The following STK39 variants were observed in gnomAD, a reference collection of about 807,000 sequenced individuals.
STK39 encodes serine/threonine kinase 39.
STK39 carries 20 observed loss-of-function variants against 77.8 expected under a neutral mutation model. That is an observed-to-expected ratio of 0.26 (90% CI 0.18 to 0.37). The LOEUF (loss-of-function observed/expected upper bound fraction) is 0.37, where lower values mean the gene tolerates loss of function less well. Ranked by LOEUF, STK39 falls within the 10% of genes least tolerant of loss-of-function variation. The pLI, the probability that STK39 is intolerant of heterozygous loss-of-function variation, is 1.00. For missense variants in STK39, 479 were observed against 656.5 expected (o/e 0.73, Z 2.95); for synonymous variants, 246 against 234.1 (o/e 1.05, Z -0.47).
In STK39 at chr2:168,075,128, G is replaced by A. The variant is rs767531913; in HGVS notation, c.1193C>T (p.Ala398Val). 6.2e-7 allele frequency: 1 copy of A among 1,614,112 alleles called. No homozygotes were observed. The highest frequency in any genetic ancestry group is 8.5e-7 in the Non-Finnish European group (1 of 1,180,020). The change falls in exon 11 of 18, where the codon GCA (alanine) becomes GTA (valine). Residue 398 changes from alanine to valine, a missense_variant. This residue lies in a region of STK39 where 244 missense variants were observed against 296.8 expected (regional missense o/e 0.82). Coordinates refer to ENST00000355999, the MANE Select transcript of STK39 (RefSeq NM_013233.3). Reference protein sequence around the residue: ...EMDEKSEEGKAAFSQEKSRRV... With the variant: ...EMDEKSEEGKVAFSQEKSRRV... ...ATTTACCTTTTCCTGAGAAAAAGCT[G>A]CTTTCCCTTCTTCGCTCTTCTCATC...
intron 14 of STK39, among the ~76,000 whole-genome samples, chr2:168,037,764 C>T (rs1209394502): frequency 1.3e-5 from 2 of 152,000 alleles, no homozygotes; most frequent in Non-Finnish European, 2.9e-5. Flanking sequence ...GGAAATATGC[C>T]AAAATGTTAA....
chr2:168,219,375 C>G (rs1409657191), intron 1 of STK39, among the ~76,000 whole-genome samples: 1 of 152,098 alleles, frequency 6.6e-6, no homozygotes, highest in Non-Finnish European at 1.5e-5. Context: ...AAAAGCCTAG[C>G]AGAATACAGA....
At chr2:168,075,727 C>A (rs557530388) in intron 10 of STK39, among the ~76,000 whole-genome samples, 2 of 151,748 alleles carry the variant, frequency 1.3e-5, no homozygotes, top group Non-Finnish European at 2.9e-5. Context: ...CCTTCTATTG[C>A]CACCTCACTC....
chr2:168,239,186 C>A (rs2105276441), intron 1 of STK39, among the ~76,000 whole-genome samples: 1 of 152,260 alleles, frequency 6.6e-6, no homozygotes, highest in South Asian at 2.1e-4. Context: ...AGCCCTGATT[C>A]CTACACAGGA....
At position 168,075,120 on chromosome 2, in the gene STK39, A is replaced by G. The variant is rs751387128; in HGVS notation, c.1201T>C (p.Ser401Pro). ...ACGATGTCATTTACCTTTTCCTGAG[A>G]AAAAGCTGCTTTCCCTTCTTCGCTC... Reference protein sequence around the residue: ...EKSEEGKAAFSQEKSRRVKEE... With the variant: ...EKSEEGKAAFPQEKSRRVKEE... Residue 401 changes from serine to proline, a missense_variant, in exon 11 of 18, where the codon TCT becomes CCT. Coordinates refer to ENST00000355999, the MANE Select transcript of STK39 (RefSeq NM_013233.3). 22 of 1,614,082 alleles carry G rather than the reference A, an allele frequency of 1.4e-5. No homozygotes were observed. The highest frequency in any genetic ancestry group is 1.6e-5 in the Non-Finnish European group (19 of 1,180,042).
At chr2:168,236,686 T>G (rs1034275445) in intron 1 of STK39, among the ~76,000 whole-genome samples, 2 of 152,216 alleles carry the variant, frequency 1.3e-5, no homozygotes, top group African/African-American at 4.8e-5. Context: ...GTTTTCCCAG[T>G]ACCATTTATT....
intron 1 of STK39, among the ~76,000 whole-genome samples, chr2:168,219,097 G>A (rs1690098254): frequency 6.6e-6 from 1 of 152,038 alleles, no homozygotes; most frequent in Non-Finnish European, 1.5e-5. Context: ...GTATATTAAG[G>A]AAGAAAAAGT....
At chr2:168,132,742 C>A (rs894657733) in intron 8 of STK39, among the ~76,000 whole-genome samples, 1 of 152,186 alleles carries the variant, frequency 6.6e-6, no homozygotes, top group Non-Finnish European at 1.5e-5. Flanking sequence ...ACATTCCCAT[C>A]ATGTATTTTT....
chr2:168,133,318 C>G (rs1424493791), intron 8 of STK39, among the ~76,000 whole-genome samples: 1 of 152,200 alleles, frequency 6.6e-6, no homozygotes, highest in Non-Finnish European at 1.5e-5. Flanking sequence ...CACTCTCAGC[C>G]TTCATCAGTA....
At chr2:168,160,194 A>G (rs1688533742) in intron 5 of STK39, among the ~76,000 whole-genome samples, 1 of 152,238 alleles carries the variant, frequency 6.6e-6, no homozygotes, top group South Asian at 2.1e-4. Context: ...TTTCAAAGGC[A>G]GTTCACTGCT....
intron 14 of STK39, among the ~76,000 whole-genome samples, chr2:168,029,472 G>C (rs575808331): frequency 5.9e-5 from 9 of 152,276 alleles, no homozygotes; most frequent in African/African-American, 2.2e-4. Context: ...TGGTGCAAAC[G>C]ATGAAAGTTT....
chr2:168,247,165 G>T (rs1690941292), intron 1 of STK39, 63 bp downstream of exon 1: 1 of 1,044,824 alleles, frequency 9.6e-7, no homozygotes, highest in Non-Finnish European at 1.1e-6. Context: ...AGCATCCCGC[G>T]CCCCCTCCCG....
At chr2:168,032,023 C>T (rs1188501105) in intron 14 of STK39, among the ~76,000 whole-genome samples, 1 of 152,156 alleles carries the variant, frequency 6.6e-6, no homozygotes, top group Non-Finnish European at 1.5e-5. Context: ...TGAAATCAAT[C>T]ACTTGGCATA....
At chr2:168,081,134 G>A (rs1460101770) in intron 10 of STK39, among the ~76,000 whole-genome samples, 2 of 152,130 alleles carry the variant, frequency 1.3e-5, no homozygotes, top group Non-Finnish European at 2.9e-5. Context: ...TATGATAAGA[G>A]GGCTGATGTC....
intron 16 of STK39, among the ~76,000 whole-genome samples, chr2:167,988,837 A>T (rs1393163639): frequency 6.6e-6 from 1 of 152,202 alleles, no homozygotes; most frequent in Non-Finnish European, 1.5e-5. Context: ...TATGGAACAA[A>T]GAGGACTGAG....
chr2:167,980,059 A>G (rs774190886), intron 16 of STK39, among the ~76,000 whole-genome samples: 1 of 152,250 alleles, frequency 6.6e-6, no homozygotes, highest in South Asian at 2.1e-4. Context: ...TCTAATGACA[A>G]TCTCACAACC....
chr2:168,109,390 T>TA (rs1687063324), intron 10 of STK39, among the ~76,000 whole-genome samples: 1 of 152,214 alleles, frequency 6.6e-6, no homozygotes, highest in Non-Finnish European at 1.5e-5. Flanking sequence ...CACTCAGTAT[T>TA]ACATTTCTGA....
intron 14 of STK39, among the ~76,000 whole-genome samples, chr2:168,054,327 A>G (rs556739745): frequency 3.9e-5 from 6 of 152,238 alleles, no homozygotes; most frequent in Non-Finnish European, 8.8e-5. Flanking sequence ...GTGTTAAACA[A>G]ATTATTTCAT....
rs779070330 is a variant in STK39 at position 168,045,991 on chromosome 2, C to T, written c.1376+17509G>A. 3.9e-5 allele frequency among the ~76,000 whole-genome samples: 6 copies of T among 152,132 alleles called. 1 individual carries two copies. Among genetic ancestry groups the T allele is most frequent in the Non-Finnish European group, 8.8e-5 (6 of 68,018 alleles). The stretch of plus-strand genomic sequence containing the variant: ...GGAGTGGGCAAGGAGGCAAGGCTGG[C>T]ATCTCATTCCCCAGATCAATACCTG... On this transcript the variant is annotated intron_variant, in intron 14 of 17. Coordinates refer to ENST00000355999, the MANE Select transcript of STK39 (RefSeq NM_013233.3).
Sources: allele counts gnomAD v4.1 joint callset (sites outside exome capture counted in the v4.1 genomes callset), GRCh38; gene constraint gnomAD v4.1.1; regional missense constraint gnomAD v4.1.1; transcripts MANE v1.5; gene names NCBI Gene and HGNC (gene_info 2026-07-23, HGNC 2026-07-21).